The following ALOX15 variants were observed in gnomAD, a reference collection of about 807,000 sequenced individuals.
ALOX15 encodes the protein polyunsaturated fatty acid lipoxygenase ALOX15.
A neutral mutation model predicts 71.7 loss-of-function variants in ALOX15; 68 were observed. That is an observed-to-expected ratio of 0.95 (90% CI 0.78 to 1.16). ALOX15 has a LOEUF of 1.16. Among genes scored for constraint, ALOX15 ranks in the 50% most tolerant of loss-of-function variants. ALOX15 has a pLI of 0.00. For synonymous variants in ALOX15, 346 were observed against 333.3 expected, an observed-to-expected ratio of 1.04 and a Z score of -0.42; for missense variants, 798 against 818.8, an observed-to-expected ratio of 0.97 and a Z score of 0.31.
In ALOX15 at chr17:4,633,420, G is replaced by C; in HGVS notation, c.1242C>G (p.Phe414Leu). The change falls in exon 9 of 14, where the codon TTC (phenylalanine) becomes TTG (leucine). Residue 414 changes from phenylalanine (F) to leucine (L), a missense_variant. Coordinates refer to ENST00000293761, the MANE Select transcript of ALOX15 (RefSeq NM_001140.5). ...TCCCTTTCTCTTCCCATACCTGGTCGAAAATTCCCATGTCAGAGACCAGCC... is the reference window on the plus strand; with the variant it reads ...TCCCTTTCTCTTCCCATACCTGGTCCAAAATTCCCATGTCAGAGACCAGCC... ...RTGLVSDMGIFDQIMSTGGGG... is the reference protein window; with the variant it reads ...RTGLVSDMGILDQIMSTGGGG... The C allele has an allele frequency of 6.2e-7, 1 of 1,614,028 alleles. No individual in the cohort carries two copies. The highest frequency in any genetic ancestry group is 2.2e-5 in the East Asian group (1 of 44,886).
At chr17:4,636,312 C>T (rs1453906619) in intron 7 of ALOX15, among the ~76,000 whole-genome samples, 3 of 152,170 alleles carry the variant, frequency 2.0e-5, no homozygotes, top group African/African-American at 7.2e-5. Context: ...TCTTTTGGCC[C>T]CACCTCTACA....
chr17:4,634,959 C>CAAAT (rs1555549664), intron 8 of ALOX15, among the ~76,000 whole-genome samples: 1 of 145,358 alleles, frequency 6.9e-6, no homozygotes, highest in Non-Finnish European at 1.5e-5. Context: ...GCCTGGGCAG[C>CAAAT]AATAATAATA....
intron 4 of ALOX15, 79 bp downstream of exon 4, chr17:4,638,771 A>G (rs1202967686): frequency 6.2e-7 from 1 of 1,613,016 alleles, no homozygotes; most frequent in Non-Finnish European, 8.5e-7. Flanking sequence ...GGCCAGTCCA[A>G]TGCAGTGCAG....
intron 7 of ALOX15, among the ~76,000 whole-genome samples, chr17:4,636,659 C>T (rs1272269792): frequency 6.6e-6 from 1 of 152,164 alleles, no homozygotes; most frequent in Non-Finnish European, 1.5e-5. Flanking sequence ...GCCCACAGCA[C>T]GTTTCATCAC....
At chr17:4,641,463 G>T in intron 1 of ALOX15, 54 bp downstream of exon 1, 1 of 1,589,614 alleles carries the variant, frequency 6.3e-7, no homozygotes, top group South Asian at 1.1e-5. Context: ...CCCGGTATTT[G>T]ACTGACTCGG....
Position 4,631,705 on chromosome 17 carries a change from C to T in ALOX15, c.1884G>A (p.Glu628=), listed in dbSNP as rs773294246. The T allele has an allele frequency of 1.2e-6, 2 of 1,614,214 alleles. No homozygotes were observed. The highest frequency in any genetic ancestry group is 1.1e-5 in the South Asian group (1 of 91,086). Residue 628 remains glutamate (E), a synonymous_variant, in exon 14 of 14, where the codon GAG becomes GAA. Transcript: ENST00000293761. ...EPKAVLKKFR[E]ELAALDKEIE... ...TTTCCTTATCCAGGGCAGCCAGCTC[C>T]TCCCTGAACTTCTTCAGCACAGCCT...
chr17:4,633,534 G>A (rs777098617), intron 8 of ALOX15, 34 bp from the exon 9 acceptor site: 3 of 1,568,720 alleles, frequency 1.9e-6, no homozygotes, highest in African/African-American at 2.7e-5. Context: ...GGCAGAGTCA[G>A]AGGAGAGCTG....
Position 4,631,492 on chromosome 17 carries a change from G to A in ALOX15, c.*108C>T. 7.3e-7 allele frequency: 1 copy of A among 1,375,786 alleles called. No individual in the cohort carries two copies. 85.2% of individuals were successfully genotyped at this position (1,375,786 alleles called of 1,614,324 possible). On this transcript the variant is annotated 3_prime_UTR_variant, in exon 14 of 14. Coordinates refer to ENST00000293761, the MANE Select transcript of ALOX15 (RefSeq NM_001140.5). Reference sequence around the variant, plus strand: ...ATGAAAAGGTGCCCCTCTAGGGAGGGTGGGACATGGGAAGAGGGTGGGACT... The same window carrying A: ...ATGAAAAGGTGCCCCTCTAGGGAGGATGGGACATGGGAAGAGGGTGGGACT...
intron 8 of ALOX15, among the ~76,000 whole-genome samples, chr17:4,635,516 T>C (rs183270872): frequency 2.1e-3 from 317 of 152,300 alleles, no homozygotes; most frequent in Non-Finnish European, 3.5e-3. Context: ...TCCTTGGTCA[T>C]TTGCATGTAC....
rs1421989960 is a variant in ALOX15 at position 4,639,601 on chromosome 17, A to G, written c.166T>C (p.Tyr56His). 1.2e-6 allele frequency: 2 copies of G among 1,613,386 alleles called. No homozygotes were observed. Among genetic ancestry groups the G allele is most frequent in the South Asian group, 2.2e-5 (2 of 91,026 alleles). Reference sequence around the variant, plus strand: ...TTCACAAACAGCAGCGGCCCCAGATACTCCGGTACTTCCACCTTGAGTTCT... The same window carrying G: ...TTCACAAACAGCAGCGGCCCCAGATGCTCCGGTACTTCCACCTTGAGTTCT... Reference protein sequence around the residue: ...ETELKVEVPEYLGPLLFVKLR... With the variant: ...ETELKVEVPEHLGPLLFVKLR... The change falls in exon 2 of 14, where the codon TAT becomes CAT. Residue 56 changes from tyrosine (Y) to histidine (H), a missense_variant. Transcript: ENST00000293761.
intron 6 of ALOX15, among the ~76,000 whole-genome samples, chr17:4,637,543 AC>A (rs1226533624): frequency 1.3e-5 from 2 of 152,044 alleles, no homozygotes; most frequent in Non-Finnish European, 2.9e-5. Context: ...AGCTGGGACT[AC>A]AGGTGCATGC....
At position 4,639,531 on chromosome 17, in the gene ALOX15, T is replaced by G; in HGVS notation, c.236A>C (p.Asn79Thr). The change falls in exon 2 of 14, where the codon AAC (asparagine) becomes ACC (threonine). Residue 79 changes from asparagine to threonine, a missense_variant. This residue lies in a region of ALOX15 where 300 missense variants were observed against 283.1 expected (regional missense o/e 1.06). Transcript: ENST00000293761. ...HLLKDDAWFC[N>T]WISVQGPGAG... is the part of the protein sequence containing the mutation. Reference sequence around the variant, plus strand: ...TCCGGGGCCCTGCACAGAGATCCAGTTGCAGAACCAGGCGTCGTCCTTAAG... The same window carrying G: ...TCCGGGGCCCTGCACAGAGATCCAGGTGCAGAACCAGGCGTCGTCCTTAAG... 6.2e-7 allele frequency: 1 copy of G among 1,613,888 alleles called. No individual in the cohort carries two copies. Among genetic ancestry groups the G allele is most frequent in the Non-Finnish European group, 8.5e-7 (1 of 1,179,952 alleles).
chr17:4,633,082 C>T (rs1440464200), intron 10 of ALOX15, 64 bp downstream of exon 10: 1 of 1,608,658 alleles, frequency 6.2e-7, no homozygotes. Flanking sequence ...CGCAGACCTC[C>T]TGCTCTCCTA....
At chr17:4,636,420 C>CT (rs1293515229) in intron 7 of ALOX15, among the ~76,000 whole-genome samples, 3 of 152,318 alleles carry the variant, frequency 2.0e-5, no homozygotes, top group East Asian at 3.9e-4. Context: ...CCTGGGCACC[C>CT]TGTTCTCTTT....
At chr17:4,640,799 G>C (rs905269926) in intron 1 of ALOX15, among the ~76,000 whole-genome samples, 2 of 150,074 alleles carry the variant, frequency 1.3e-5, no homozygotes, top group African/African-American at 5.0e-5. Context: ...TGACTGCGCC[G>C]GATTCTTGTT....
chr17:4,637,388 T>C lies in ALOX15; in HGVS notation c.808-130A>G, dbSNP rs1911134840. The C allele has an allele frequency of 3.7e-6, 4 of 1,071,330 alleles. No homozygotes were observed. The South Asian group carries it at 9.0e-5, about 24-fold the overall frequency. 66.4% of individuals were successfully genotyped at this position (1,071,330 alleles called of 1,614,324 possible). A position where few individuals can be genotyped will look rare whatever the true frequency, so the allele number is the denominator to read the frequency against. On this transcript the variant is annotated intron_variant, in intron 6 of 13. Coordinates refer to ENST00000293761, the MANE Select transcript of ALOX15 (RefSeq NM_001140.5). ...CTACTTTATACCAGGTAATGGATCA[T>C]GTGCTTACTTCCTCATATCATTTTT... is the stretch of plus-strand genomic sequence containing the variant.
intron 1 of ALOX15, 168 bp from the exon 2 acceptor site, chr17:4,639,799 G>A: frequency 6.1e-6 from 4 of 654,396 alleles, no homozygotes; most frequent in South Asian, 5.9e-5. Flanking sequence ...CCGAGCAGGT[G>A]GCCCCAGGAC....
intron 6 of ALOX15, among the ~76,000 whole-genome samples, chr17:4,637,886 G>A (rs1284531155): frequency 5.3e-5 from 8 of 151,594 alleles, no homozygotes; most frequent in East Asian, 1.9e-4. Flanking sequence ...GTTCCATATC[G>A]CCTCCTGATG....
At chr17:4,640,628 CA>C (rs2150539337) in intron 1 of ALOX15, among the ~76,000 whole-genome samples, 1 of 80,908 alleles carries the variant, frequency 1.2e-5, no homozygotes, top group Admixed American at 1.5e-4. Flanking sequence ...GCTCCGTGCG[CA>C]TTTTCTCTCT....
Sources: gnomAD v4.1 joint callset for allele counts (sites outside exome capture counted in the v4.1 genomes callset) on GRCh38, gnomAD v4.1.1 for gene constraint, gnomAD v4.1.1 regional missense constraint, MANE v1.5 for transcripts, NCBI Gene and HGNC (gene_info 2026-07-23, HGNC 2026-07-21) for gene names.